Variants in KPNA6 observed in about 807,000 individuals in gnomAD.
The protein encoded by KPNA6 is karyopherin subunit alpha 6, also known as importin subunit alpha-7.
A neutral mutation model predicts 72.0 loss-of-function variants in KPNA6; 9 were observed. That is an observed-to-expected ratio of 0.13 (90% confidence interval 0.08 to 0.22). The LOEUF (loss-of-function observed/expected upper bound fraction) is 0.22. Among genes scored for constraint, KPNA6 ranks in the 10% least tolerant of loss-of-function variants. The pLI, the probability that KPNA6 is intolerant of heterozygous loss-of-function variation, is 1.00. For missense variants in KPNA6, 374 were observed against 655.7 expected (o/e 0.57, Z 4.69); for synonymous variants, 219 against 242.1 (o/e 0.90, Z 0.89).
Position 32,175,782 on chromosome 1 carries a change from CA to C in KPNA6, c.*4910del, listed in dbSNP as rs35485312. 1,380 of 38,908 alleles carry C rather than the reference CA, an allele frequency of 0.035. 18 individuals are homozygous for C. The highest frequency in any genetic ancestry group is 0.095 in the African/African-American group (1,030 of 10,812). The allele number at this position is 38,908 out of a possible 1,614,324, so 2.4% of individuals were successfully genotyped here. ...TGGGTGACAGTGCGAGACTCCATCT[CA>C]AAAAAAAAAAAAAAAAAAAAATCCA... On this transcript the variant is annotated 3_prime_UTR_variant, in exon 14 of 14. Coordinates refer to ENST00000373625, the MANE Select transcript of KPNA6 (RefSeq NM_012316.5).
At chr1:32,126,295 C>T (rs1404140408) in intron 1 of KPNA6, among the ~76,000 whole-genome samples, 1 of 135,644 alleles carries the variant, frequency 7.4e-6, no homozygotes, top group Non-Finnish European at 1.6e-5. Context: ...CCCACCCCCC[C>T]ACCCCCCATT....
chr1:32,131,683 C>CAT (rs984678554), intron 1 of KPNA6, among the ~76,000 whole-genome samples: 6 of 147,990 alleles, frequency 4.1e-5, no homozygotes, highest in African/African-American at 1.5e-4. Flanking sequence ...GTTGTGTGTG[C>CAT]GTGTGTATAT....
intron 1 of KPNA6, among the ~76,000 whole-genome samples, chr1:32,122,841 C>G (rs1641458071): frequency 6.6e-6 from 1 of 151,562 alleles, no homozygotes; most frequent in Admixed American, 6.6e-5. Context: ...CCTGTAGTCC[C>G]AGCTACTCAG....
In KPNA6 at chr1:32,163,295, G is replaced by C; in HGVS notation, c.972G>C (p.Gly324=). 1 of 1,612,426 alleles carries C rather than the reference G, an allele frequency of 6.2e-7. No individual in the cohort carries two copies. Among genetic ancestry groups the C allele is most frequent in the Non-Finnish European group, 8.5e-7 (1 of 1,179,018 alleles). ...ALRAVGNIVT[G]DDIQTQVILN... ...GAGCCGTGGGTAACATCGTCACTGG[G>C]GATGACATCCAGACCCAGGTAAGAA... Residue 324 remains glycine (G), a synonymous_variant, in exon 10 of 14, where the codon GGG becomes GGC. Transcript: ENST00000373625.
At chr1:32,151,943 TAAAA>T in intron 1 of KPNA6, among the ~76,000 whole-genome samples, 1 of 152,332 alleles carries the variant, frequency 6.6e-6, no homozygotes, top group East Asian at 1.9e-4. Flanking sequence ...GAAATAGTAT[TAAAA>T]TACATAAAGC....
intron 10 of KPNA6, among the ~76,000 whole-genome samples, chr1:32,163,693 A>G (rs1275984216): frequency 6.6e-6 from 1 of 152,216 alleles, no homozygotes; most frequent in East Asian, 1.9e-4. Flanking sequence ...CATGGATATC[A>G]TGGACCTTGG....
Position 32,138,302 on chromosome 1 carries a change from T to C in KPNA6, c.5-16286T>C, listed in dbSNP as rs1346409270. ...GCTCATGACTGTCAACCCAGCACTT[T>C]GGGAGGCCAAGGCGGGTGGATCATC... is the stretch of plus-strand genomic sequence containing the variant. On this transcript the variant is annotated intron_variant, in intron 1 of 13. Transcript: ENST00000373625. 2.6e-5 allele frequency among the ~76,000 whole-genome samples: 4 copies of C among 151,618 alleles called. No individual in the cohort carries two copies. The South Asian group carries it at 6.2e-4, about 24-fold the overall frequency.
At chr1:32,133,995 C>T (rs1641689996) in intron 1 of KPNA6, among the ~76,000 whole-genome samples, 1 of 151,784 alleles carries the variant, frequency 6.6e-6, no homozygotes, top group Non-Finnish European at 1.5e-5. Context: ...GTAATCCCGG[C>T]ACTTTGGGAG....
At chr1:32,163,517 TA>T (rs1372968552) in intron 10 of KPNA6, among the ~76,000 whole-genome samples, 3 of 152,214 alleles carry the variant, frequency 2.0e-5, no homozygotes, top group Non-Finnish European at 4.4e-5. Flanking sequence ...CTTCTTTTCT[TA>T]CATAAATTGG....
At chr1:32,120,519 A>G (rs1641413408) in intron 1 of KPNA6, among the ~76,000 whole-genome samples, 3 of 150,862 alleles carry the variant, frequency 2.0e-5, no homozygotes, top group Non-Finnish European at 4.4e-5. Flanking sequence ...AAGTGCTGAG[A>G]TTATGGGCTT....
At chr1:32,164,890 TTTAAC>T (rs1375742764) in intron 10 of KPNA6, among the ~76,000 whole-genome samples, 3 of 152,124 alleles carry the variant, frequency 2.0e-5, no homozygotes, top group African/African-American at 4.8e-5. Flanking sequence ...AAAAAAAACT[TTTAAC>T]TTATTTAATT....
At chr1:32,110,764 G>A (rs993236308) in intron 1 of KPNA6, among the ~76,000 whole-genome samples, 1 of 152,154 alleles carries the variant, frequency 6.6e-6, no homozygotes, top group Admixed American at 6.6e-5. Context: ...GGGTATGGTG[G>A]CGTGCTCCTG....
chr1:32,156,142 G>T (rs1259320059), intron 2 of KPNA6, among the ~76,000 whole-genome samples: 15 of 149,810 alleles, frequency 1.0e-4, no homozygotes, highest in Non-Finnish European at 1.8e-4. Context: ...TTGCCCTGTT[G>T]CCCAGGTTGG....
chr1:32,117,036 C>T (rs1445820525), intron 1 of KPNA6, among the ~76,000 whole-genome samples: 4 of 152,118 alleles, frequency 2.6e-5, no homozygotes. Context: ...ATCACCATAA[C>T]AGATAAAACA....
At chr1:32,154,039 C>T (rs1642087849) in intron 1 of KPNA6, among the ~76,000 whole-genome samples, 2 of 151,808 alleles carry the variant, frequency 1.3e-5, no homozygotes, top group Non-Finnish European at 2.9e-5. Flanking sequence ...CCCAGCTACT[C>T]GGAAGGCTGA....
chr1:32,158,726 A>G (rs1642187330), intron 5 of KPNA6, among the ~76,000 whole-genome samples: 2 of 152,172 alleles, frequency 1.3e-5, no homozygotes, highest in African/African-American at 4.8e-5. Context: ...CCTACTTCCA[A>G]GAAATTGCAG....
chr1:32,167,357 G>T, intron 12 of KPNA6, 61 bp downstream of exon 12: 1 of 1,603,044 alleles, frequency 6.2e-7, no homozygotes, highest in South Asian at 1.1e-5. Context: ...TTTGCTCATG[G>T]TTTACAGGTG....
chr1:32,155,400 C>T (rs1335750121), intron 2 of KPNA6, among the ~76,000 whole-genome samples: 1 of 145,282 alleles, frequency 6.9e-6, no homozygotes, highest in Non-Finnish European at 1.5e-5. Context: ...CTGCTCACTG[C>T]AACCTCTGCC....
At position 32,172,881 on chromosome 1, in the gene KPNA6, C is replaced by T. The variant is rs1045149666; in HGVS notation, c.*1987C>T. ...CTTCTGGCTCAGGTGAAATCCATGC[C>T]CTTCTGCTTATAGACCTAAAGTTCA... On this transcript the variant is annotated 3_prime_UTR_variant, in exon 14 of 14. Coordinates refer to ENST00000373625, the MANE Select transcript of KPNA6 (RefSeq NM_012316.5). The T allele has an allele frequency of 2.6e-6, 1 of 391,026 alleles. No homozygotes were observed. Among genetic ancestry groups the T allele is most frequent in the Non-Finnish European group, 4.5e-6 (1 of 221,922 alleles). The allele number at this position is 391,026 out of a possible 1,614,324, so 24.2% of individuals were successfully genotyped here.
Sources: allele counts gnomAD v4.1 joint callset (sites outside exome capture counted in the v4.1 genomes callset), GRCh38; gene constraint gnomAD v4.1.1; transcripts MANE v1.5; gene names NCBI Gene and HGNC (gene_info 2026-07-23, HGNC 2026-07-21).